ZNF273: variants seen among roughly 807,000 people sequenced by gnomAD.
ZNF273 encodes the protein zinc finger protein 273, also known as zinc finger protein 9.
ZNF273 carries 11 observed loss-of-function variants against 14.9 expected under a neutral mutation model. The observed-to-expected ratio is 0.74, with a 90% confidence interval of 0.46 to 1.22. The LOEUF (loss-of-function observed/expected upper bound fraction) is 1.22, where lower values mean the gene tolerates loss of function less well. Among genes scored for constraint, ZNF273 ranks in the 50% most tolerant of loss-of-function variants. The pLI, the probability that ZNF273 is intolerant of heterozygous loss-of-function variation, is 0.00. For missense variants in ZNF273, 577 were observed against 660.6 expected, an observed-to-expected ratio of 0.87 and a Z score of 1.39; for synonymous variants, 199 against 223.9, an observed-to-expected ratio of 0.89 and a Z score of 0.99.
At chr7:64,880,835 C>G (rs10224118), downstream of ZNF273, among the ~76,000 whole-genome samples, 4,990 of 152,204 alleles carry the variant, frequency 0.033, 276 homozygotes, top group African/African-American at 0.11. Context: ...CAGACCCCAG[C>G]AGTCCTGTGC....
In ZNF273 at chr7:64,918,302, A is replaced by G; in HGVS notation, c.325+10A>G. 1 of 1,547,346 alleles carries G rather than the reference A, an allele frequency of 6.5e-7. No homozygotes were observed. Among genetic ancestry groups the G allele is most frequent in the South Asian group, 1.1e-5 (1 of 89,504 alleles). ...GTAGCCAAACCCCCAGGTAGGTGAG[A>G]GTGATAGCGAATATAACAGATGACA... On this transcript the variant is annotated intron_variant, in intron 3 of 3. Transcript: ENST00000476120.
In ZNF273 at chr7:64,928,127, T is replaced by A. The variant is rs750325017; in HGVS notation, c.799T>A (p.Cys267Ser). Reference sequence around the variant, plus strand: ...AGTGAATCCCTACAAATGTGAAGAATGTGGCAAAGCCTTTAACCAGTCCTT... The same window carrying A: ...AGTGAATCCCTACAAATGTGAAGAAAGTGGCAAAGCCTTTAACCAGTCCTT... The part of the protein sequence containing the change: ...PEVNPYKCEE[C>S]GKAFNQSLTL... The change falls in exon 4 of 4, where the codon TGT becomes AGT. Residue 267 changes from cysteine (C) to serine (S), a missense_variant. Physicochemically the swap from Cys to Ser is moderately radical, Grantham distance 112 (BLOSUM62 -1). This residue lies in a region of ZNF273 where 411 missense variants were observed against 440.4 expected (regional missense o/e 0.93). Coordinates refer to ENST00000476120, the MANE Select transcript of ZNF273 (RefSeq NM_021148.3). The A allele has an allele frequency of 6.2e-7, 1 of 1,613,494 alleles. No individual in the cohort carries two copies.
downstream of ZNF273, among the ~76,000 whole-genome samples, chr7:64,890,317 T>C (rs1257162394): frequency 8.6e-5 from 13 of 151,830 alleles, no homozygotes; most frequent in Admixed American, 8.5e-4. Flanking sequence ...GAGCAGCATG[T>C]GGACAGAGTC....
At position 64,930,104 on chromosome 7, in the gene ZNF273, T is replaced by TA. The variant is rs887270526; in HGVS notation, c.*1067dup. On this transcript the variant is annotated 3_prime_UTR_variant, in exon 4 of 4. Coordinates refer to ENST00000476120, the MANE Select transcript of ZNF273 (RefSeq NM_021148.3). Reference sequence around the variant, plus strand: ...GTCTCAAACTCCCAACCTCAGGTGATATGCCCGCCTCGGCCTCCCAAAATG... The same window carrying TA: ...GTCTCAAACTCCCAACCTCAGGTGATAATGCCCGCCTCGGCCTCCCAAAATG... The TA allele has an allele frequency of 3.3e-5, 5 of 152,278 alleles. No homozygotes were observed. The highest frequency in any genetic ancestry group is 9.6e-5 in the African/African-American group (4 of 41,458). 9.4% of individuals were successfully genotyped at this position (152,278 alleles called of 1,614,324 possible). A position where few individuals can be genotyped will look rare whatever the true frequency, so the allele number is the denominator to read the frequency against.
chr7:64,934,863 T>A (rs1488780470), downstream of ZNF273, among the ~76,000 whole-genome samples: 1 of 152,126 alleles, frequency 6.6e-6, no homozygotes, highest in African/African-American at 2.4e-5. Context: ...TTGATAAAGG[T>A]TGTGTTATAT....
chr7:64,909,035 A>G (rs776237548), intron 1 of ZNF273, among the ~76,000 whole-genome samples: 15 of 152,028 alleles, frequency 9.9e-5, no homozygotes, highest in Admixed American at 6.6e-4. Flanking sequence ...TCAGCCCCCA[A>G]AGTAGCTGGG....
intron 3 of ZNF273, among the ~76,000 whole-genome samples, chr7:64,895,587 T>C (rs1449102270): frequency 6.6e-6 from 1 of 152,206 alleles, no homozygotes; most frequent in East Asian, 1.9e-4. Context: ...CAGGGTAAAA[T>C]GAGTTCTGGC....
At chr7:64,881,615 TG>T (rs1249023677), downstream of ZNF273, among the ~76,000 whole-genome samples, 2 of 152,072 alleles carry the variant, frequency 1.3e-5, no homozygotes, top group Admixed American at 6.5e-5. Flanking sequence ...ACTGTCCTTG[TG>T]GGGGGGCTGT....
chr7:64,893,226 T>C (rs1364252895), downstream of ZNF273, among the ~76,000 whole-genome samples: 1 of 152,238 alleles, frequency 6.6e-6, no homozygotes, highest in Non-Finnish European at 1.5e-5. Flanking sequence ...AGACTCATCA[T>C]CACTCAGAGA....
At chr7:64,887,324 A>G (rs145128334) in intron 1 of ZNF273, among the ~76,000 whole-genome samples, 117 of 149,920 alleles carry the variant, frequency 7.8e-4, no homozygotes, top group African/African-American at 2.7e-3. Context: ...TGCCCTTTGC[A>G]TGTTCTCATC....
chr7:64,922,243 G>A (rs1355730363), intron 3 of ZNF273, among the ~76,000 whole-genome samples: 1 of 151,366 alleles, frequency 6.6e-6, no homozygotes, highest in African/African-American at 2.4e-5. Flanking sequence ...TCCAAACTCA[G>A]ATGATTCTAT....
chr7:64,921,114 G>T (rs1233691464), intron 3 of ZNF273, among the ~76,000 whole-genome samples: 1 of 151,480 alleles, frequency 6.6e-6, no homozygotes, highest in Non-Finnish European at 1.5e-5. Flanking sequence ...TCCCAGGCTG[G>T]AGTGCAATGG....
downstream of ZNF273, among the ~76,000 whole-genome samples, chr7:64,934,599 T>C (rs1020742768): frequency 7.2e-5 from 11 of 152,202 alleles, no homozygotes; most frequent in African/African-American, 2.4e-4. Flanking sequence ...GTTACCTATA[T>C]TTAAATTGAG....
chr7:64,914,818 G>T (rs1400031522), intron 1 of ZNF273, among the ~76,000 whole-genome samples: 1 of 146,154 alleles, frequency 6.8e-6, no homozygotes, highest in Non-Finnish European at 1.5e-5. Flanking sequence ...AGCAGGCGGT[G>T]CTGACACTTC....
intron 1 of ZNF273, among the ~76,000 whole-genome samples, chr7:64,909,336 T>C (rs1055193521): frequency 2.6e-5 from 4 of 151,972 alleles, no homozygotes; most frequent in Non-Finnish European, 5.9e-5. Flanking sequence ...GCGACTCTCC[T>C]GCCTCAGCCT....
chr7:64,905,739 G>C (rs1299039479), intron 1 of ZNF273, among the ~76,000 whole-genome samples: 2 of 152,154 alleles, frequency 1.3e-5, no homozygotes, highest in Non-Finnish European at 2.9e-5. Context: ...GAGCAGGATG[G>C]GGTGGGAGAA....
At chr7:64,902,555 C>G (rs141522814), upstream of ZNF273, among the ~76,000 whole-genome samples, 1,397 of 152,172 alleles carry the variant, frequency 9.2e-3, 16 homozygotes, top group African/African-American at 0.032. Flanking sequence ...AGTGGTGAAA[C>G]CCCGTCTTTA....
intron 1 of ZNF273, among the ~76,000 whole-genome samples, chr7:64,885,570 C>A (rs1336492015): frequency 2.6e-5 from 4 of 152,214 alleles, no homozygotes; most frequent in African/African-American, 9.7e-5. Context: ...GGTCACTTCG[C>A]ACCTACACCT....
At position 64,896,136 on chromosome 7, in the gene ZNF273, G is replaced by A. The variant is rs187941198; in HGVS notation, n.489-1212G>A. On this transcript the variant is annotated intron_variant and non_coding_transcript_variant, in intron 3 of 7. Transcript: ENST00000527278. ...AACTCTTTCATGTATAAATCTCACT[G>A]AAAGGCACTATCCAGTAGCTATTTC... Among the ~76,000 whole-genome samples the A allele has an allele frequency of 6.7e-3, 1,016 of 151,626 alleles. 13 individuals carry two copies. The highest frequency in any genetic ancestry group is 0.023 in the African/African-American group (965 of 41,298).
Sources: gnomAD v4.1 joint callset for allele counts (sites outside exome capture counted in the v4.1 genomes callset) on GRCh38, gnomAD v4.1.1 for gene constraint, gnomAD v4.1.1 regional missense constraint, MANE v1.5 for transcripts, NCBI Gene and HGNC (gene_info 2026-07-23, HGNC 2026-07-21) for gene names.